Variants in MGA observed in about 807,000 individuals in gnomAD.
The protein encoded by MGA is MAX dimerization protein MGA, also known as MAX gene-associated protein.
MGA carries 40 observed loss-of-function variants against 261.1 expected under a neutral mutation model. The ratio of observed to expected loss-of-function variants is 0.15; its 90% CI spans 0.12 to 0.20. MGA has a LOEUF of 0.20. Ranked by LOEUF, MGA falls within the 10% of genes least tolerant of loss-of-function variation. The probability of loss-of-function intolerance (pLI) is 1.00; values close to 1 mark genes in which losing one functional copy is unlikely to be tolerated. For synonymous variants in MGA, 1,302 were observed against 1,290.6 expected (o/e 1.01, Z -0.19); for missense variants, 3,397 against 3,630.5 (o/e 0.94, Z 1.65).
chr15:41,700,163 G>A (rs1326952503), intron 5 of MGA, among the ~76,000 whole-genome samples: 2 of 149,490 alleles, frequency 1.3e-5, no homozygotes, highest in Non-Finnish European at 3.0e-5. Context: ...TCCTGCCTCA[G>A]CCTCCCAAGT....
chr15:41,634,064 T>G (rs1480879735), intron 1 of MGA, among the ~76,000 whole-genome samples: 1 of 152,196 alleles, frequency 6.6e-6, no homozygotes, highest in African/African-American at 2.4e-5. Flanking sequence ...AGATTTTGAT[T>G]TGAATGCCTT....
chr15:41,751,020 G>A (rs2089702438), intron 17 of MGA: 1 of 160,252 alleles, frequency 6.2e-6, no homozygotes, highest in Non-Finnish European at 1.4e-5. Flanking sequence ...AACTAGAGGA[G>A]AACTTATTCA....
chr15:41,676,424 G>T (rs148528944), intron 2 of MGA, among the ~76,000 whole-genome samples: 1 of 152,324 alleles, frequency 6.6e-6, no homozygotes, highest in African/African-American at 2.4e-5. Context: ...CAAGTGCCGG[G>T]ATTACAGGCG....
In MGA at chr15:41,625,085, A is replaced by G. The variant is rs191385345; in HGVS notation, c.-68+3787A>G. 5.9e-5 allele frequency among the ~76,000 whole-genome samples: 9 copies of G among 152,122 alleles called. No homozygotes were observed. The East Asian group carries it at 1.8e-3, about 30-fold the overall frequency. On this transcript the variant is annotated intron_variant, in intron 1 of 8. Coordinates refer to the MGA transcript ENST00000566718. ...TTGACCTCAGGAGTTCGAGGCTGCA[A>G]TGAGCTGTGACGTGTCACTGCACTC...
chr15:41,703,535 ATTC>A (rs1402735416), intron 5 of MGA, among the ~76,000 whole-genome samples: 1 of 152,048 alleles, frequency 6.6e-6, no homozygotes, highest in Non-Finnish European at 1.5e-5. Context: ...AGATTTATCT[ATTC>A]TTCTTTTTAA....
intron 9 of MGA, among the ~76,000 whole-genome samples, chr15:41,726,496 G>A (rs538504628): frequency 8.5e-5 from 13 of 152,264 alleles, no homozygotes; most frequent in South Asian, 2.1e-4. Flanking sequence ...GGGAGGCCAA[G>A]GTTGGGTGGA....
chr15:41,736,860 G>T (rs2061805453), intron 13 of MGA, among the ~76,000 whole-genome samples, 162 bp downstream of exon 13: 2 of 152,172 alleles, frequency 1.3e-5, no homozygotes, highest in African/African-American at 4.8e-5. Flanking sequence ...TAGTTTAGAT[G>T]CATACCTAGA....
Position 41,669,442 on chromosome 15 carries a change from A to G in MGA, c.548A>G (p.Asn183Ser). Residue 183 changes from asparagine (N) to serine (S), a missense_variant, in exon 2 of 24, where the codon AAC becomes AGC. Physicochemically the swap from Asn to Ser is conservative, Grantham distance 46 (BLOSUM62 1). This residue lies in a region of MGA where 104 missense variants were observed against 212.9 expected (regional missense o/e 0.49). Transcript: ENST00000219905. ...TCTTTCTATAAACTCAAACTTACCA[A>G]CAATACACTGGACCAAGAAGGGCAT... The G allele has an allele frequency of 6.2e-7, 1 of 1,613,938 alleles. No individual in the cohort carries two copies.
At chr15:41,624,336 A>T (rs988313247) in intron 1 of MGA, among the ~76,000 whole-genome samples, 1 of 151,656 alleles carries the variant, frequency 6.6e-6, no homozygotes, top group Non-Finnish European at 1.5e-5. Context: ...CAACTTCCGC[A>T]TCCCAGTTTC....
chr15:41,695,605 A>G (rs1008182811), intron 2 of MGA, among the ~76,000 whole-genome samples: 3 of 152,146 alleles, frequency 2.0e-5, no homozygotes, highest in Admixed American at 6.5e-5. Context: ...ATTATACACA[A>G]TATATCTGGG....
intron 5 of MGA, among the ~76,000 whole-genome samples, chr15:41,700,227 T>C (rs909942690): frequency 2.0e-5 from 3 of 151,852 alleles, no homozygotes; most frequent in Non-Finnish European, 4.4e-5. Context: ...TTTGTATTTT[T>C]AGTAGAGACG....
At chr15:41,653,660 ATCATACCAC>A (rs2057111468) in intron 1 of MGA, among the ~76,000 whole-genome samples, 1 of 150,712 alleles carries the variant, frequency 6.6e-6, no homozygotes, top group Non-Finnish European at 1.5e-5. Context: ...GTGAGCCGTG[ATCATACCAC>A]TGCACTCCAT....
chr15:41,674,870 C>T (rs764347346), intron 2 of MGA, among the ~76,000 whole-genome samples: 1 of 152,204 alleles, frequency 6.6e-6, no homozygotes, highest in Non-Finnish European at 1.5e-5. Context: ...TGTCTCTCTT[C>T]TTAGTTCCAG....
At chr15:41,671,906 CT>C (rs1394243881) in intron 2 of MGA, among the ~76,000 whole-genome samples, 2 of 152,176 alleles carry the variant, frequency 1.3e-5, no homozygotes, top group Non-Finnish European at 2.9e-5. Flanking sequence ...TCAGGTTATA[CT>C]TTTTGCTGTG....
intron 9 of MGA, among the ~76,000 whole-genome samples, chr15:41,724,777 T>G (rs2151647823): frequency 6.6e-6 from 1 of 152,316 alleles, no homozygotes; most frequent in East Asian, 1.9e-4. Flanking sequence ...GCTGGCTAAT[T>G]GACTCAATCA....
rs138979453 is a variant in MGA, at chr15:41,703,143, T to C, written c.2188+3984T>C. Among the ~76,000 whole-genome samples, 72 of 152,314 alleles carry C rather than the reference T, an allele frequency of 4.7e-4. No homozygotes were observed. The East Asian group carries it at 0.013, about 28-fold the overall frequency. ...TCCCATTCAGGATACCACAAGACTT[T>C]TAGTAGTGATGTCTCCTTAGGATCT... On this transcript the variant is annotated intron_variant, in intron 5 of 23. Coordinates refer to ENST00000219905, the MANE Select transcript of MGA (RefSeq NM_001164273.2).
intron 1 of MGA, among the ~76,000 whole-genome samples, chr15:41,636,436 G>A (rs2056708939): frequency 6.7e-6 from 1 of 149,392 alleles, no homozygotes; most frequent in Non-Finnish European, 1.5e-5. Context: ...GGGATTACAG[G>A]TGCCTGCCAC....
intron 1 of MGA, among the ~76,000 whole-genome samples, chr15:41,655,162 T>G (rs2057138730): frequency 1.3e-5 from 2 of 148,822 alleles, no homozygotes; most frequent in South Asian, 4.3e-4. Context: ...CCCATATACT[T>G]TATTTTTTTA....
chr15:41,708,138 A>G lies in MGA; in HGVS notation c.2355A>G (p.Lys785=), dbSNP rs767456215. The G allele has an allele frequency of 6.3e-7, 1 of 1,599,264 alleles. No individual in the cohort carries two copies. Among genetic ancestry groups the G allele is most frequent in the Non-Finnish European group, 8.5e-7 (1 of 1,172,470 alleles). ...TTCCCTTTGTTTCTAGGACAGGGAA[A>G]ACCAATGATTTCACTAAGATCAAGG... is the stretch of plus-strand genomic sequence containing the variant. Residue 785 remains lysine, a synonymous_variant, in exon 7 of 24, where the codon AAA becomes AAG. Coordinates refer to ENST00000219905, the MANE Select transcript of MGA (RefSeq NM_001164273.2).
Sources: gnomAD v4.1 joint callset for allele counts (sites outside exome capture counted in the v4.1 genomes callset) on GRCh38, gnomAD v4.1.1 for gene constraint, gnomAD v4.1.1 regional missense constraint, MANE v1.5 for transcripts, NCBI Gene and HGNC (gene_info 2026-07-23, HGNC 2026-07-21) for gene names.